Variants in PPARGC1A observed in about 807,000 individuals in gnomAD.
The protein encoded by PPARGC1A is PPARG coactivator 1 alpha.
PPARGC1A carries 25 observed loss-of-function variants against 88.7 expected under a neutral mutation model. The observed-to-expected ratio is 0.28, with a 90% CI of 0.21 to 0.39. PPARGC1A has a LOEUF of 0.39. Among genes scored for constraint, PPARGC1A ranks in the 10% least tolerant of loss-of-function variants. PPARGC1A has a pLI of 1.00. For missense variants in PPARGC1A, 880 were observed against 968.7 expected (o/e 0.91, Z 1.22); for synonymous variants, 363 against 355.6 (o/e 1.02, Z -0.24).
At chr4:23,948,731 C>T in the PPARGC1A span, among the ~76,000 whole-genome samples, 1 of 152,188 alleles carries the variant, frequency 6.6e-6, no homozygotes, top group Non-Finnish European at 1.5e-5. Context: ...TTTTCATTCT[C>T]AAATGTCCCA....
the PPARGC1A span, among the ~76,000 whole-genome samples, chr4:24,466,467 C>T: frequency 2.0e-5 from 3 of 152,136 alleles, no homozygotes; most frequent in African/African-American, 7.2e-5. Flanking sequence ...AGCGCTGAGA[C>T]CTTAGGCAAG....
chr4:24,241,855 T>C, the PPARGC1A span, among the ~76,000 whole-genome samples: 1 of 152,238 alleles, frequency 6.6e-6, no homozygotes, highest in Admixed American at 6.5e-5. Flanking sequence ...GCAGATAACA[T>C]GGGAGAAACT....
chr4:24,232,267 C>T, the PPARGC1A span, among the ~76,000 whole-genome samples: 1 of 151,784 alleles, frequency 6.6e-6, no homozygotes, highest in Non-Finnish European at 1.5e-5. Flanking sequence ...ATTCTTTGTA[C>T]AAGGGAAGTA....
the PPARGC1A span, among the ~76,000 whole-genome samples, chr4:24,319,935 T>G: frequency 1.3e-5 from 2 of 152,094 alleles, no homozygotes; most frequent in South Asian, 2.1e-4. Context: ...AGCTGGCTCA[T>G]TAAAAAGAAA....
the PPARGC1A span, among the ~76,000 whole-genome samples, chr4:24,350,435 A>T: frequency 6.6e-6 from 1 of 152,228 alleles, no homozygotes; most frequent in Non-Finnish European, 1.5e-5. Context: ...GGTTAAACCT[A>T]GTACAAGGAT....
the PPARGC1A span, among the ~76,000 whole-genome samples, chr4:23,974,868 G>T: frequency 7.6e-6 from 1 of 132,380 alleles, no homozygotes; most frequent in Non-Finnish European, 1.5e-5. Context: ...TGTTTGCCAG[G>T]ATGGTCTTGA....
the PPARGC1A span, among the ~76,000 whole-genome samples, chr4:24,230,419 T>C: frequency 2.6e-5 from 4 of 152,158 alleles, no homozygotes; most frequent in East Asian, 3.9e-4. Context: ...CCATCTTATA[T>C]GGATGCTTCA....
chr4:24,381,443 C>T, the PPARGC1A span, among the ~76,000 whole-genome samples: 1 of 152,204 alleles, frequency 6.6e-6, no homozygotes, highest in Non-Finnish European at 1.5e-5. Flanking sequence ...CTAGCTGCAA[C>T]TGCAGTAATG....
chr4:23,989,839 G>T, the PPARGC1A span, among the ~76,000 whole-genome samples: 2 of 151,292 alleles, frequency 1.3e-5, no homozygotes, highest in African/African-American at 4.8e-5. Flanking sequence ...TGATTTAAAA[G>T]AAAATAATTA....
chr4:24,096,411 C>T, the PPARGC1A span, among the ~76,000 whole-genome samples: 1,150 of 152,284 alleles, frequency 7.6e-3, 21 homozygotes, highest in African/African-American at 0.026. Flanking sequence ...TCAACTCGGT[C>T]AACAAACCAT....
the PPARGC1A span, among the ~76,000 whole-genome samples, chr4:24,062,033 C>T: frequency 6.6e-6 from 1 of 152,202 alleles, no homozygotes; most frequent in East Asian, 1.9e-4. Flanking sequence ...CCCAAGCAAA[C>T]ATACCATGCC....
the PPARGC1A span, among the ~76,000 whole-genome samples, chr4:23,957,701 G>T: frequency 6.6e-6 from 1 of 152,026 alleles, no homozygotes; most frequent in Non-Finnish European, 1.5e-5. Context: ...GGGAGAGAGA[G>T]AACAAGGTGG....
chr4:23,830,504 G>A (rs1560395737), intron 3 of PPARGC1A, among the ~76,000 whole-genome samples: 2 of 152,182 alleles, frequency 1.3e-5, no homozygotes, highest in South Asian at 2.1e-4. Context: ...ACTAACAAAT[G>A]GAGAAATTGG....
chr4:23,989,911 A>T, the PPARGC1A span, among the ~76,000 whole-genome samples: 1 of 150,286 alleles, frequency 6.7e-6, no homozygotes, highest in Admixed American at 6.7e-5. Context: ...AACTGTTGAA[A>T]TTTTTTTTAA....
the PPARGC1A span, among the ~76,000 whole-genome samples, chr4:24,051,821 T>C: frequency 6.6e-6 from 1 of 151,868 alleles, no homozygotes; most frequent in African/African-American, 2.4e-5. Context: ...CCAAGGTCAT[T>C]CTGGGAGGTG....
chr4:24,149,399 C>A, the PPARGC1A span, among the ~76,000 whole-genome samples: 2 of 151,214 alleles, frequency 1.3e-5, no homozygotes, highest in African/African-American at 4.9e-5. Flanking sequence ...TCTTCTATGA[C>A]AATCTTCTAA....
At chr4:24,247,067 G>A in the PPARGC1A span, among the ~76,000 whole-genome samples, 3 of 152,162 alleles carry the variant, frequency 2.0e-5, no homozygotes, top group Non-Finnish European at 2.9e-5. Context: ...CATATGGATT[G>A]GGTGCAGAAG....
At chr4:24,062,704 A>G in the PPARGC1A span, among the ~76,000 whole-genome samples, 4 of 152,224 alleles carry the variant, frequency 2.6e-5, no homozygotes, top group African/African-American at 9.6e-5. Context: ...GTGAAGCACC[A>G]TCCCATCCCT....
chr4:24,089,505 CT>C, the PPARGC1A span, among the ~76,000 whole-genome samples: 33 of 73,830 alleles, frequency 4.5e-4, no homozygotes, highest in Admixed American at 1.8e-3. Flanking sequence ...CTTTTCTTTT[CT>C]TTTCTTTCTT....
Sources: allele counts gnomAD v4.1 joint callset (sites outside exome capture counted in the v4.1 genomes callset), GRCh38; gene constraint gnomAD v4.1.1; transcripts MANE v1.5; gene names NCBI Gene and HGNC (gene_info 2026-07-23, HGNC 2026-07-21).